Variants in SLC10A1 observed in about 807,000 individuals in gnomAD.
The protein encoded by SLC10A1 is hepatic sodium/bile acid cotransporter.
A neutral mutation model predicts 20.5 loss-of-function variants in SLC10A1; 36 were observed. That is an observed-to-expected ratio of 1.75 (90% confidence interval 1.34 to 2.32). The LOEUF (loss-of-function observed/expected upper bound fraction) is 2.32. Among genes scored for constraint, SLC10A1 ranks in the 30% most tolerant of loss-of-function variants. The pLI is 0.00. For synonymous variants in SLC10A1, 188 were observed against 163.6 expected (o/e 1.15, Z -1.14); for missense variants, 545 against 439.1 (o/e 1.24, Z -2.16).
rs934213124 is a variant in SLC10A1 at position 69,776,048 on chromosome 14, A to G, written c.*234T>C. 5 of 523,798 alleles carry G rather than the reference A, an allele frequency of 9.5e-6. No individual in the cohort carries two copies. Among genetic ancestry groups the G allele is most frequent in the African/African-American group, 7.7e-5 (4 of 51,950 alleles). 32.4% of individuals were successfully genotyped at this position (523,798 alleles called of 1,614,324 possible). A position where few individuals can be genotyped will look rare whatever the true frequency, so the allele number is the denominator to read the frequency against. ...CGGTTTCTGGTTTCATAGAGTTTACAGTCACTGAACAAGTCTTTAAAATAA... is the reference window on the plus strand; with the variant it reads ...CGGTTTCTGGTTTCATAGAGTTTACGGTCACTGAACAAGTCTTTAAAATAA... On this transcript the variant is annotated 3_prime_UTR_variant, in exon 5 of 5. Coordinates refer to ENST00000216540, the MANE Select transcript of SLC10A1 (RefSeq NM_003049.4).
intron 4 of SLC10A1, among the ~76,000 whole-genome samples, chr14:69,776,824 A>G (rs980733695): frequency 6.6e-6 from 1 of 152,218 alleles, no homozygotes; most frequent in Middle Eastern, 3.4e-3. Flanking sequence ...CGGTGATGCA[A>G]ATTTGAAGAT....
chr14:69,779,432 G>T (rs753508185), intron 2 of SLC10A1, 72 bp from the exon 3 acceptor site: 140 of 1,239,248 alleles, frequency 1.1e-4, no homozygotes, highest in Non-Finnish European at 1.4e-4. Context: ...GGAAGCACAG[G>T]TAGAAATTGG....
rs770817085 is a variant in SLC10A1 at position 69,796,794 on chromosome 14, G to T, written c.356+6C>A. 6.8e-6 allele frequency: 11 copies of T among 1,608,968 alleles called. No homozygotes were observed. The highest frequency in any genetic ancestry group is 7.7e-6 in the Non-Finnish European group (9 of 1,176,322). On this transcript the variant is annotated splice_donor_region_variant and intron_variant, in intron 1 of 4. Transcript: ENST00000216540. ...CAGGCTGTTCCCTCCTCACCCCCAG[G>T]CCTACCTGAGGTTCATGTCCCCCTT...
chr14:69,791,522 G>A lies in SLC10A1; in HGVS notation c.357-5215C>T, dbSNP rs182117739. Among the ~76,000 whole-genome samples, 139 of 152,278 alleles carry A rather than the reference G, an allele frequency of 9.1e-4. 1 individual carries two copies. The East Asian group carries it at 0.025, about 28-fold the overall frequency. ...TCACCGTGTTAGCCAGGATGGTTTC[G>A]ATCTCCTGACCTCGTGATCGGCCAG... is the stretch of plus-strand genomic sequence containing the variant. On this transcript the variant is annotated intron_variant, in intron 1 of 4. Coordinates refer to ENST00000216540, the MANE Select transcript of SLC10A1 (RefSeq NM_003049.4).
At position 69,778,468 on chromosome 14, in the gene SLC10A1, G is replaced by C. The variant is rs200849985; in HGVS notation, c.808C>G (p.Leu270Val). 1.2e-6 allele frequency: 2 copies of C among 1,613,850 alleles called. No individual in the cohort carries two copies. The highest frequency in any genetic ancestry group is 1.7e-6 in the Non-Finnish European group (2 of 1,179,920). The change falls in exon 4 of 5, where the codon CTC becomes GTC. Residue 270 changes from leucine (L) to valine (V), a missense_variant. By Grantham distance (32) the Leu-to-Val change is conservative. Coordinates refer to ENST00000216540, the MANE Select transcript of SLC10A1 (RefSeq NM_003049.4). Reference sequence around the variant, plus strand: ...ACTTCAGGTGGAAAGGCCACATTGAGGATGGTGGAACAGAGTTGGACATTT... The same window carrying C: ...ACTTCAGGTGGAAAGGCCACATTGACGATGGTGGAACAGAGTTGGACATTT... ...CQNVQLCSTI[L>V]NVAFPPEVIG... is the part of the protein sequence containing the mutation.
In SLC10A1 at chr14:69,796,956, G is replaced by C; in HGVS notation, c.200C>G (p.Ala67Gly). The change falls in exon 1 of 5, where the codon GCA becomes GGA. Residue 67 changes from alanine (A) to glycine (G), a missense_variant. Coordinates refer to ENST00000216540, the MANE Select transcript of SLC10A1 (RefSeq NM_003049.4). ...CGTGAGGGGCATGATGCCATACTGT[G>C]CCACCAGGGCGATGGCCAGCCCTTT... ...KPKGLAIALV[A>G]QYGIMPLTAF... 6.2e-7 allele frequency: 1 copy of C among 1,614,208 alleles called. No homozygotes were observed.
intron 1 of SLC10A1, 81 bp from the exon 2 acceptor site, chr14:69,786,388 C>T: frequency 1.8e-6 from 2 of 1,124,352 alleles, no homozygotes; most frequent in Non-Finnish European, 2.7e-6. Context: ...CTAAGTGCCA[C>T]TGTGCTAAGT....
At chr14:69,780,927 A>T (rs1883576839) in intron 2 of SLC10A1, among the ~76,000 whole-genome samples, 1 of 152,184 alleles carries the variant, frequency 6.6e-6, no homozygotes, top group South Asian at 2.1e-4. Context: ...AGTTACAGGA[A>T]TTGTCCACGA....
intron 1 of SLC10A1, among the ~76,000 whole-genome samples, chr14:69,788,332 A>T (rs965911873): frequency 2.6e-5 from 4 of 152,180 alleles, no homozygotes; most frequent in African/African-American, 9.7e-5. Flanking sequence ...TATTTAAAAA[A>T]CATGGAGAGG....
chr14:69,776,821 G>A (rs925148557), intron 4 of SLC10A1, among the ~76,000 whole-genome samples: 3 of 152,192 alleles, frequency 2.0e-5, no homozygotes, highest in African/African-American at 7.2e-5. Flanking sequence ...AGGCGGTGAT[G>A]CAAATTTGAA....
chr14:69,779,735 A>T (rs1883546462), intron 2 of SLC10A1, among the ~76,000 whole-genome samples: 1 of 151,988 alleles, frequency 6.6e-6, no homozygotes. Context: ...ATTATTACAA[A>T]CTCAGCCAAG....
At chr14:69,781,500 C>CT (rs1883591685) in intron 2 of SLC10A1, among the ~76,000 whole-genome samples, 1 of 152,196 alleles carries the variant, frequency 6.6e-6, no homozygotes, top group African/African-American at 2.4e-5. Context: ...TGCAGGATTA[C>CT]AGAGAGGGAA....
chr14:69,786,392 G>T, intron 1 of SLC10A1, 85 bp from the exon 2 acceptor site: 1 of 1,070,956 alleles, frequency 9.3e-7, no homozygotes, highest in Non-Finnish European at 1.4e-6. Context: ...GTGCCACTGT[G>T]CTAAGTGCTT....
At chr14:69,789,876 T>C (rs1242557179) in intron 1 of SLC10A1, among the ~76,000 whole-genome samples, 4 of 151,714 alleles carry the variant, frequency 2.6e-5, no homozygotes, top group African/African-American at 4.8e-5. Context: ...ATTTTTTAAG[T>C]TTTGTAAATT....
rs1231663861 is a variant in SLC10A1 at position 69,780,490 on chromosome 14, TAAA to T, written c.568-1133_568-1131del. Among the ~76,000 whole-genome samples the T allele has an allele frequency of 7.4e-5, 11 of 148,544 alleles. No homozygotes were observed. The East Asian group carries it at 9.6e-4, about 13-fold the overall frequency. On this transcript the variant is annotated intron_variant, in intron 2 of 4. Coordinates refer to ENST00000216540, the MANE Select transcript of SLC10A1 (RefSeq NM_003049.4). ...CATTTTATATTTCCTAGTAACATTT[TAAA>T]AAAGTAAAATATGTATAGCAAAGTT...
chr14:69,784,587 T>C (rs150138196), intron 2 of SLC10A1, among the ~76,000 whole-genome samples: 6 of 152,198 alleles, frequency 3.9e-5, no homozygotes, highest in African/African-American at 1.4e-4. Flanking sequence ...AAGGGAGATA[T>C]TAGGTGGAAT....
intron 1 of SLC10A1, among the ~76,000 whole-genome samples, chr14:69,794,498 C>G (rs1422505345): frequency 6.6e-6 from 1 of 152,120 alleles, no homozygotes; most frequent in Non-Finnish European, 1.5e-5. Context: ...ACATGCTGTC[C>G]CCCAGGGTGC....
rs540363343 is a variant in SLC10A1, at chr14:69,782,910, GT to G, written c.567+3186del. Among the ~76,000 whole-genome samples the G allele has an allele frequency of 1.6e-3, 243 of 151,980 alleles. 2 individuals carry two copies. Among genetic ancestry groups the G allele is most frequent in the African/African-American group, 5.5e-3 (229 of 41,420 alleles). On this transcript the variant is annotated intron_variant, in intron 2 of 4. Transcript: ENST00000216540. ...AGAAAAGAGACATGTTCTCACATCA[GT>G]TGTCATTAGCACTATGACTTGGTAT...
intron 2 of SLC10A1, among the ~76,000 whole-genome samples, chr14:69,781,130 A>G (rs1594761272): frequency 6.6e-6 from 1 of 152,204 alleles, no homozygotes; most frequent in South Asian, 2.1e-4. Flanking sequence ...TTGACGGCAT[A>G]GGACCTGGCA....
Sources: allele counts gnomAD v4.1 joint callset (sites outside exome capture counted in the v4.1 genomes callset), GRCh38; gene constraint gnomAD v4.1.1; transcripts MANE v1.5; gene names NCBI Gene and HGNC (gene_info 2026-07-23, HGNC 2026-07-21).